The following SCARA5 variants were observed in gnomAD, a reference collection of about 807,000 sequenced individuals.
SCARA5 encodes the protein scavenger receptor class A, member 5 (putative).
SCARA5 carries 45 observed loss-of-function variants against 46.3 expected under a neutral mutation model. That is an observed-to-expected ratio of 0.97 (90% CI 0.76 to 1.24). SCARA5 has a LOEUF of 1.24. SCARA5 is among the 50% of genes most tolerant of loss of function. SCARA5 has a pLI of 0.00. For missense variants in SCARA5, 680 were observed against 689.0 expected, an observed-to-expected ratio of 0.99 and a Z score of 0.15; for synonymous variants, 333 against 306.5, an observed-to-expected ratio of 1.09 and a Z score of -0.90.
At chr8:27,888,508 G>GT (rs1241899127) in intron 7 of SCARA5, among the ~76,000 whole-genome samples, 46 of 152,328 alleles carry the variant, frequency 3.0e-4, no homozygotes, top group Non-Finnish European at 4.9e-4. Flanking sequence ...AAATTTGCCT[G>GT]TAACTTCTGC....
intron 7 of SCARA5, among the ~76,000 whole-genome samples, chr8:27,884,434 T>C (rs777619436): frequency 4.6e-5 from 7 of 152,244 alleles, no homozygotes; most frequent in Admixed American, 2.0e-4. Context: ...GGCCCTGGGT[T>C]GGCTGAGGCC....
chr8:27,880,116 T>C (rs1585459938), intron 7 of SCARA5, among the ~76,000 whole-genome samples: 1 of 151,322 alleles, frequency 6.6e-6, no homozygotes, highest in Non-Finnish European at 1.5e-5. Flanking sequence ...ATTCAATAAA[T>C]GGCGCTGGGA....
chr8:27,921,432 G>A, intron 4 of SCARA5, 139 bp downstream of exon 4: 1 of 695,762 alleles, frequency 1.4e-6, no homozygotes, highest in Non-Finnish European at 2.3e-6. Context: ...AAGACTTAGA[G>A]AGTATGGGGC....
rs1181123712 is a variant in SCARA5, at chr8:27,921,910, T to G, written c.577A>C (p.Asn193His). 4 of 1,525,428 alleles carry G rather than the reference T, an allele frequency of 2.6e-6. No homozygotes were observed. The highest frequency in any genetic ancestry group is 3.5e-6 in the Non-Finnish European group (4 of 1,144,344). The allele number at this position is 1,525,428 out of a possible 1,614,324, so 94.5% of individuals were successfully genotyped here. The change falls in exon 4 of 9, where the codon AAC (asparagine) becomes CAC (histidine). Residue 193 changes from asparagine to histidine, a missense_variant. Asn to His is a moderately conservative substitution (Grantham distance 68). Coordinates refer to ENST00000354914, the MANE Select transcript of SCARA5 (RefSeq NM_173833.6). ...LELYQLQVES[N>H]SSQLLLRRHA... ...CGCCTCAGCAGCAGCTGGCTACTGT[T>G]GCTCTCCACCTGCAGCTGGTAGAGC...
chr8:27,970,644 G>A (rs1045172102), intron 2 of SCARA5, among the ~76,000 whole-genome samples: 1 of 152,188 alleles, frequency 6.6e-6, no homozygotes, highest in African/African-American at 2.4e-5. Flanking sequence ...CAGCACCTCT[G>A]CTACTGCCGT....
chr8:27,895,519 C>T (rs924830053), intron 7 of SCARA5, among the ~76,000 whole-genome samples: 4 of 152,246 alleles, frequency 2.6e-5, no homozygotes, highest in Non-Finnish European at 5.9e-5. Flanking sequence ...TACAACTCTT[C>T]AAAGCACTTT....
chr8:27,941,797 CATCATTATT>C lies in SCARA5; in HGVS notation c.242-19561_242-19553del, dbSNP rs1241927125. ...ACCAACATTTAATCCCCATTTACAT[CATCATTATT>C]ATTATTATTATTATTATTATTATTA... On this transcript the variant is annotated intron_variant, in intron 3 of 8. Transcript: ENST00000354914. 2.3e-4 allele frequency among the ~76,000 whole-genome samples: 25 copies of C among 109,990 alleles called. 1 individual carries two copies. The highest frequency in any genetic ancestry group is 7.5e-4 in the African/African-American group (24 of 31,834). The allele number at this position is 109,990 out of a possible 152,430, so 72.2% of individuals were successfully genotyped here.
intron 3 of SCARA5, among the ~76,000 whole-genome samples, chr8:27,965,162 G>C (rs1238845972): frequency 1.3e-5 from 2 of 152,202 alleles, no homozygotes; most frequent in South Asian, 2.1e-4. Context: ...TTTGCCCTGA[G>C]TGTGGAAACC....
intron 3 of SCARA5, among the ~76,000 whole-genome samples, chr8:27,945,189 A>G (rs1240260488): frequency 6.6e-6 from 1 of 152,082 alleles, no homozygotes; most frequent in East Asian, 1.9e-4. Context: ...TTGAAAAAAA[A>G]AAAAGGAAAC....
At chr8:27,950,707 G>A (rs953514829) in intron 3 of SCARA5, among the ~76,000 whole-genome samples, 2 of 152,076 alleles carry the variant, frequency 1.3e-5, no homozygotes, top group African/African-American at 4.8e-5. Flanking sequence ...CTAACACATG[G>A]GGACTAGGGC....
chr8:27,927,953 T>C (rs2129833191), intron 3 of SCARA5, among the ~76,000 whole-genome samples: 1 of 152,352 alleles, frequency 6.6e-6, no homozygotes, highest in East Asian at 1.9e-4. Flanking sequence ...AGAAGCGGCC[T>C]TTTCAAGGTG....
chr8:27,910,851 C>T (rs893663293), intron 4 of SCARA5, among the ~76,000 whole-genome samples: 17 of 152,212 alleles, frequency 1.1e-4, no homozygotes, highest in African/African-American at 4.1e-4. Flanking sequence ...GCCCTCCAGG[C>T]TGGGTCTCCC....
In SCARA5 at chr8:27,990,653, C is replaced by T. The variant is rs887290384; in HGVS notation, c.-16+1604G>A. Reference sequence around the variant, plus strand: ...TTTGTTTGGGAATTGCATGTCAGCCCCTTTGGTGACCACTTTCTGGGCCCC... The same window carrying T: ...TTTGTTTGGGAATTGCATGTCAGCCTCTTTGGTGACCACTTTCTGGGCCCC... On this transcript the variant is annotated intron_variant, in intron 1 of 8. Coordinates refer to ENST00000354914, the MANE Select transcript of SCARA5 (RefSeq NM_173833.6). 4.6e-5 allele frequency among the ~76,000 whole-genome samples: 7 copies of T among 152,292 alleles called. No homozygotes were observed. In the South Asian group the frequency reaches 1.2e-3, roughly 27 times the overall value.
chr8:27,989,547 G>T (rs1387051598), intron 1 of SCARA5, among the ~76,000 whole-genome samples: 3 of 152,194 alleles, frequency 2.0e-5, no homozygotes, highest in Admixed American at 1.3e-4. Flanking sequence ...AGGAGGGCTG[G>T]ACGCCTCTGC....
intron 2 of SCARA5, 79 bp downstream of exon 2, chr8:27,987,425 C>T (rs563162077): frequency 2.1e-5 from 19 of 915,574 alleles, no homozygotes; most frequent in Non-Finnish European, 3.5e-5. Flanking sequence ...AAGGCAATGC[C>T]AAGGTTGGGT....
intron 2 of SCARA5, among the ~76,000 whole-genome samples, chr8:27,970,474 C>A (rs920404465): frequency 8.5e-5 from 13 of 152,186 alleles, no homozygotes; most frequent in Non-Finnish European, 1.6e-4. Flanking sequence ...ATGGCAATAA[C>A]CTGACAACCC....
At chr8:27,921,442 C>A in intron 4 of SCARA5, 129 bp downstream of exon 4, 1 of 745,144 alleles carries the variant, frequency 1.3e-6, no homozygotes, top group Non-Finnish European at 2.1e-6. Flanking sequence ...GAGTATGGGG[C>A]TGGGAATGGC....
At chr8:27,928,742 T>G (rs1807721314) in intron 3 of SCARA5, among the ~76,000 whole-genome samples, 1 of 152,082 alleles carries the variant, frequency 6.6e-6, no homozygotes, top group Non-Finnish European at 1.5e-5. Flanking sequence ...CTCGGCTCAC[T>G]GCAACCTCCA....
rs1168452062 is a variant in SCARA5, at chr8:27,879,771, C to A, written c.1154-5G>T. On this transcript the variant is annotated splice_region_variant and splice_polypyrimidine_tract_variant and intron_variant, in intron 7 of 8. Coordinates refer to ENST00000354914, the MANE Select transcript of SCARA5 (RefSeq NM_173833.6). ...TCATCGGGGCCTCCACGCCACCTGCCGGAGCAGCCAACTGTCACTACCCAG... is the reference window on the plus strand; with the variant it reads ...TCATCGGGGCCTCCACGCCACCTGCAGGAGCAGCCAACTGTCACTACCCAG... 16 of 1,612,198 alleles carry A rather than the reference C, an allele frequency of 9.9e-6. No homozygotes were observed. Among genetic ancestry groups the A allele is most frequent in the Non-Finnish European group, 1.4e-5 (16 of 1,179,966 alleles).
Sources: gnomAD v4.1 joint callset for allele counts (sites outside exome capture counted in the v4.1 genomes callset) on GRCh38, gnomAD v4.1.1 for gene constraint, MANE v1.5 for transcripts, NCBI Gene and HGNC (gene_info 2026-07-23, HGNC 2026-07-21) for gene names.